DDX19B: variants seen among roughly 807,000 people sequenced by gnomAD.
The protein encoded by DDX19B is DEAD-box helicase 19B.
A neutral mutation model predicts 58.1 loss-of-function variants in DDX19B; 27 were observed. The observed-to-expected ratio is 0.46, with a 90% confidence interval of 0.34 to 0.64. The LOEUF (loss-of-function observed/expected upper bound fraction) is 0.64. Among genes scored for constraint, DDX19B ranks in the 30% least tolerant of loss-of-function variants. The probability of loss-of-function intolerance (pLI) is 0.01; values close to 1 mark genes in which losing one functional copy is unlikely to be tolerated. For synonymous variants in DDX19B, 187 were observed against 214.4 expected, an observed-to-expected ratio of 0.87 and a Z score of 1.12; for missense variants, 399 against 596.5, an observed-to-expected ratio of 0.67 and a Z score of 3.45.
At chr16:70,314,784 CATTT>C in intron 2 of DDX19B, 114 bp from the exon 3 acceptor site, 1 of 1,022,346 alleles carries the variant, frequency 9.8e-7, no homozygotes, top group Non-Finnish European at 1.5e-6. Context: ...TCGGTTTCCT[CATTT>C]ATTTTTTGCT....
intron 5 of DDX19B, among the ~76,000 whole-genome samples, chr16:70,320,927 G>A (rs1410202113): frequency 1.4e-5 from 2 of 143,140 alleles, no homozygotes; most frequent in East Asian, 2.1e-4. Context: ...CCCCCAAAGT[G>A]TTGGGATTAC....
At chr16:70,293,279 A>AT (rs1281563363), upstream of DDX19B, among the ~76,000 whole-genome samples, 55 of 151,812 alleles carry the variant, frequency 3.6e-4, no homozygotes, top group African/African-American at 1.3e-3. Flanking sequence ...TTAGCTGGGC[A>AT]TGGTGGCATG....
At chr16:70,309,222 G>A (rs531174750) in intron 1 of DDX19B, among the ~76,000 whole-genome samples, 74 of 152,212 alleles carry the variant, frequency 4.9e-4, no homozygotes, top group African/African-American at 1.5e-3. Flanking sequence ...GAGGCTGGGC[G>A]CGGTGGCTTA....
chr16:70,323,370 T>A (rs975854692), intron 5 of DDX19B, among the ~76,000 whole-genome samples: 29 of 151,806 alleles, frequency 1.9e-4, no homozygotes, highest in East Asian at 5.8e-4. Context: ...CCTCCCGAAG[T>A]GCTGAGATTG....
chr16:70,317,290 A>G (rs1445860167), intron 4 of DDX19B: 2 of 343,724 alleles, frequency 5.8e-6, no homozygotes, highest in African/African-American at 2.2e-5. Flanking sequence ...CTGAGGCACG[A>G]GAATTGCTTG....
At position 70,300,773 on chromosome 16, in the gene DDX19B, T is replaced by C. The variant is rs1039735084; in HGVS notation, c.57+1419T>C. ...TTGACCTGCTGGGCTCAAGCCATCC[T>C]CCCACCTCGGCCTCCCAAAGTGTTG... On this transcript the variant is annotated intron_variant, in intron 1 of 11. Transcript: ENST00000288071. Among the ~76,000 whole-genome samples, 4 of 152,048 alleles carry C rather than the reference T, an allele frequency of 2.6e-5. No homozygotes were observed. In the East Asian group the frequency reaches 7.7e-4, roughly 29 times the overall value.
chr16:70,309,759 A>C (rs765545517), intron 1 of DDX19B, among the ~76,000 whole-genome samples: 2 of 133,300 alleles, frequency 1.5e-5, no homozygotes, highest in Non-Finnish European at 3.1e-5. Flanking sequence ...CGGAGGTTGC[A>C]GTGAGCCAAG....
At chr16:70,324,413 T>C (rs1007796014) in intron 5 of DDX19B, among the ~76,000 whole-genome samples, 172 bp from the exon 6 acceptor site, 2 of 140,464 alleles carry the variant, frequency 1.4e-5, no homozygotes, top group Non-Finnish European at 3.1e-5. Flanking sequence ...GTGCTTCAAA[T>C]CCCACCAGAA....
At chr16:70,299,409 G>T in intron 1 of DDX19B, 55 bp downstream of exon 1, 1 of 1,523,550 alleles carries the variant, frequency 6.6e-7, no homozygotes, top group Non-Finnish European at 8.8e-7. Flanking sequence ...TCGGAGACTT[G>T]GTCCCTGGGA....
intron 1 of DDX19B, among the ~76,000 whole-genome samples, chr16:70,311,569 C>A (rs1962096998): frequency 2.0e-5 from 3 of 152,138 alleles, no homozygotes; most frequent in East Asian, 3.9e-4. Context: ...GGAGATAAGA[C>A]CTGCTAGGAT....
intron 4 of DDX19B, 169 bp downstream of exon 4, chr16:70,316,273 G>C: frequency 1.1e-6 from 1 of 900,432 alleles, no homozygotes; most frequent in Non-Finnish European, 1.6e-6. Flanking sequence ...GCAGTAGCGC[G>C]ATCTCGGCTC....
intron 1 of DDX19B, among the ~76,000 whole-genome samples, chr16:70,309,343 A>G (rs2152191480): frequency 6.6e-6 from 1 of 151,620 alleles, no homozygotes; most frequent in South Asian, 2.1e-4. Flanking sequence ...AAAATATAAA[A>G]AGTTAGTCGG....
chr16:70,298,310 G>A (rs1417136504), upstream of DDX19B, among the ~76,000 whole-genome samples: 1 of 151,732 alleles, frequency 6.6e-6, no homozygotes, highest in Non-Finnish European at 1.5e-5. Context: ...GGAGGCTGAG[G>A]CAAGAGAATT....
chr16:70,309,211 G>A (rs564192290), intron 1 of DDX19B, among the ~76,000 whole-genome samples: 1 of 152,198 alleles, frequency 6.6e-6, no homozygotes, highest in East Asian at 1.9e-4. Context: ...AATAGAAATG[G>A]GAGGCTGGGC....
At chr16:70,319,204 T>C (rs1184080907) in intron 5 of DDX19B, among the ~76,000 whole-genome samples, 1 of 152,202 alleles carries the variant, frequency 6.6e-6, no homozygotes, top group Admixed American at 6.6e-5. Flanking sequence ...TAAGTTTATA[T>C]CGTATATGCA....
At chr16:70,322,167 A>C (rs1044158013) in intron 5 of DDX19B, among the ~76,000 whole-genome samples, 9 of 152,142 alleles carry the variant, frequency 5.9e-5, no homozygotes, top group Non-Finnish European at 1.5e-5. Flanking sequence ...GCAGCACAGT[A>C]AGACCTCATC....
intron 5 of DDX19B, among the ~76,000 whole-genome samples, chr16:70,322,867 G>A (rs866548131): frequency 1.7e-4 from 25 of 147,600 alleles, no homozygotes; most frequent in Admixed American, 7.5e-4. Flanking sequence ...ACTCCAGCTC[G>A]GTGACAACAG....
upstream of DDX19B, chr16:70,289,795 G>A (rs1008871864): frequency 5.3e-6 from 2 of 380,760 alleles, no homozygotes; most frequent in Non-Finnish European, 1.0e-5. Flanking sequence ...TCGACATTTT[G>A]GTTTCCATAG....
chr16:70,327,546 C>CA (rs1053203527), intron 7 of DDX19B, among the ~76,000 whole-genome samples: 108 of 142,728 alleles, frequency 7.6e-4, no homozygotes, highest in African/African-American at 1.1e-3. Context: ...ACAAAACAAA[C>CA]AAAAAAAAAC....
Sources: gnomAD v4.1 joint callset for allele counts (sites outside exome capture counted in the v4.1 genomes callset) on GRCh38, gnomAD v4.1.1 for gene constraint, MANE v1.5 for transcripts, NCBI Gene and HGNC (gene_info 2026-07-23, HGNC 2026-07-21) for gene names.